SVEP1: variants seen among roughly 807,000 people sequenced by gnomAD.
SVEP1 encodes sushi, von Willebrand factor type A, EGF and pentraxin domain containing 1.
In SVEP1, 164 loss-of-function variants were observed where a neutral mutation model predicts 367.3. That is an observed-to-expected ratio of 0.45 (90% confidence interval 0.39 to 0.51). SVEP1 has a LOEUF of 0.51. Among genes scored for constraint, SVEP1 ranks in the 20% least tolerant of loss-of-function variants. The pLI is 0.00. For synonymous variants in SVEP1, 1,666 were observed against 1,611.6 expected, an observed-to-expected ratio of 1.03 and a Z score of -0.81; for missense variants, 4,117 against 4,425.3, an observed-to-expected ratio of 0.93 and a Z score of 1.98.
chr9:110,519,257 GAAT>G (rs1405413149), intron 3 of SVEP1, among the ~76,000 whole-genome samples: 4 of 152,162 alleles, frequency 2.6e-5, no homozygotes, highest in African/African-American at 9.7e-5. Flanking sequence ...GGAAATGTTA[GAAT>G]AATGTCTCCA....
At chr9:110,390,838 T>C (rs372999468) in intron 40 of SVEP1, among the ~76,000 whole-genome samples, 1 of 151,956 alleles carries the variant, frequency 6.6e-6, no homozygotes, top group Non-Finnish European at 1.5e-5. Flanking sequence ...TTCAAACATA[T>C]GAGAAATACC....
chr9:110,579,460 G>A lies in SVEP1; in HGVS notation c.84C>T (p.Arg28=), dbSNP rs1282412950. ...CGGGGAAGAGGCGGAAGCTGAAATTGCGCGACGGGGACATCTGCTGAAAGG... is the reference window on the plus strand; with the variant it reads ...CGGGGAAGAGGCGGAAGCTGAAATTACGCGACGGGGACATCTGCTGAAAGG... ...WATFQQMSPS[R]NFSFRLFPET... The change falls in exon 1 of 48, where the codon CGC becomes CGT. Residue 28 remains arginine (R), a synonymous_variant. Transcript: ENST00000374469. This position sits in a 1 kb window ranked among gnomAD's most constrained non-coding sequence, Gnocchi z 5.3. The A allele has an allele frequency of 3.7e-6, 6 of 1,601,752 alleles. No homozygotes were observed. In the East Asian group the frequency reaches 1.1e-4, roughly 30 times the overall value.
chr9:110,373,864 T>C (rs1415323343), intron 46 of SVEP1, among the ~76,000 whole-genome samples: 1 of 152,172 alleles, frequency 6.6e-6, no homozygotes, highest in Non-Finnish European at 1.5e-5. Context: ...AATGCTGTAT[T>C]TGAGGTCTGC....
At position 110,481,311 on chromosome 9, in the gene SVEP1, T is replaced by G. The variant is rs1829184176; in HGVS notation, c.2296A>C (p.Lys766Gln). The change falls in exon 12 of 48, where the codon AAG (lysine) becomes CAG (glutamine). Residue 766 changes from lysine (K) to glutamine (Q), a missense_variant. Coordinates refer to ENST00000374469, the MANE Select transcript of SVEP1 (RefSeq NM_153366.4). ...GYDFTEGSTD[K>Q]YYCAYEDGVW... is the part of the protein sequence containing the mutation. Reference sequence around the variant, plus strand: ...CCATCTTCATAAGCACAATAATACTTGTCAGTAGACCCTTCTGTGAAATCA... The same window carrying G: ...CCATCTTCATAAGCACAATAATACTGGTCAGTAGACCCTTCTGTGAAATCA... 1.9e-6 allele frequency: 3 copies of G among 1,611,454 alleles called. No homozygotes were observed. In the East Asian group the frequency reaches 6.7e-5, roughly 36 times the overall value.
chr9:110,372,791 A>G (rs916191747), intron 46 of SVEP1, among the ~76,000 whole-genome samples: 12 of 152,158 alleles, frequency 7.9e-5, no homozygotes, highest in Non-Finnish European at 1.8e-4. Flanking sequence ...ACAGTGTGTG[A>G]TGGTAGGATA....
At chr9:110,377,969 T>C (rs988396121) in intron 44 of SVEP1, among the ~76,000 whole-genome samples, 11 of 152,224 alleles carry the variant, frequency 7.2e-5, no homozygotes, top group African/African-American at 4.8e-5. Context: ...AGGCAGTATA[T>C]GTCATTCTGT....
At chr9:110,559,219 T>C (rs906054276) in intron 1 of SVEP1, among the ~76,000 whole-genome samples, 6 of 152,024 alleles carry the variant, frequency 3.9e-5, no homozygotes, top group African/African-American at 7.2e-5. Flanking sequence ...CACAGAACCA[T>C]AGAAAGTGTT....
At chr9:110,489,243 T>C (rs1200387343) in intron 9 of SVEP1, among the ~76,000 whole-genome samples, 1 of 152,214 alleles carries the variant, frequency 6.6e-6, no homozygotes, top group Non-Finnish European at 1.5e-5. Context: ...TCTGGATTGC[T>C]TTCATAAACC....
At chr9:110,398,473 A>G (rs192022747) in intron 40 of SVEP1, among the ~76,000 whole-genome samples, 58 of 152,350 alleles carry the variant, frequency 3.8e-4, no homozygotes, top group African/African-American at 1.3e-3. Context: ...AATGGCAACA[A>G]AAGCCAAAAT....
rs534184736 is a variant in SVEP1 at position 110,462,789 on chromosome 9, G to T, written c.3322+3076C>A. On this transcript the variant is annotated intron_variant, in intron 18 of 47. Transcript: ENST00000374469. ...ATATTAAAATCAAATGACAAACAGT[G>T]CATGGAAATGACCAGGAAAAAAATG... 3.3e-5 allele frequency among the ~76,000 whole-genome samples: 5 copies of T among 151,836 alleles called. No individual in the cohort carries two copies. The South Asian group carries it at 1.0e-3, about 32-fold the overall frequency.
chr9:110,490,807 C>T (rs566009839), intron 8 of SVEP1, among the ~76,000 whole-genome samples: 6 of 152,026 alleles, frequency 3.9e-5, no homozygotes, highest in African/African-American at 1.4e-4. Flanking sequence ...TTTTAATGAA[C>T]TGTTTTTTAA....
intron 17 of SVEP1, 72 bp downstream of exon 17, chr9:110,468,868 A>T: frequency 7.0e-7 from 1 of 1,433,328 alleles, no homozygotes; most frequent in South Asian, 1.5e-5. Flanking sequence ...TGAAGAAAAT[A>T]AATCTTTCTT....
chr9:110,427,782 C>CT, intron 35 of SVEP1, 24 bp from the exon 36 acceptor site: 1 of 1,594,908 alleles, frequency 6.3e-7, no homozygotes, highest in Non-Finnish European at 8.5e-7. Context: ...TGATGTTACT[C>CT]TTTCATTGGC....
Position 110,557,036 on chromosome 9 carries a change from TA to T in SVEP1, c.532-6933del, listed in dbSNP as rs200523989. ...TTGTAATACTTGACCCTTCAAATTC[TA>T]AAATTTCACCACGCCTTGTCTGTTA... On this transcript the variant is annotated intron_variant, in intron 1 of 47. Transcript: ENST00000374469. 1.1e-4 allele frequency among the ~76,000 whole-genome samples: 17 copies of T among 152,312 alleles called. No homozygotes were observed. In the East Asian group the frequency reaches 3.3e-3, roughly 29 times the overall value.
chr9:110,535,429 A>G (rs1830067101), intron 3 of SVEP1, among the ~76,000 whole-genome samples: 2 of 152,096 alleles, frequency 1.3e-5, no homozygotes, highest in African/African-American at 4.8e-5. Flanking sequence ...GGCCCATAGT[A>G]TAGTTTGAAG....
At chr9:110,553,787 T>A (rs1830320596) in intron 1 of SVEP1, among the ~76,000 whole-genome samples, 1 of 152,152 alleles carries the variant, frequency 6.6e-6, no homozygotes, top group African/African-American at 2.4e-5. Flanking sequence ...ACGCGCTTAA[T>A]AAATATTTGT....
chr9:110,405,968 T>C (rs950050726), intron 38 of SVEP1, among the ~76,000 whole-genome samples, 192 bp downstream of exon 38: 1 of 152,164 alleles, frequency 6.6e-6, no homozygotes, highest in Non-Finnish European at 1.5e-5. Flanking sequence ...GAAAAAAGTA[T>C]CGATTTATTT....
At chr9:110,552,343 C>T (rs1027991614) in intron 1 of SVEP1, among the ~76,000 whole-genome samples, 13 of 152,176 alleles carry the variant, frequency 8.5e-5, no homozygotes, top group East Asian at 3.9e-4. Context: ...TGAGCCACCA[C>T]GTCTGGCCAG....
intron 3 of SVEP1, among the ~76,000 whole-genome samples, chr9:110,538,924 G>C (rs1394021270): frequency 6.6e-6 from 1 of 152,000 alleles, no homozygotes; most frequent in Non-Finnish European, 1.5e-5. Context: ...TTTGTTGTTG[G>C]CAAAGGTTAA....
Sources: gnomAD v4.1 joint callset for allele counts (sites outside exome capture counted in the v4.1 genomes callset) on GRCh38, gnomAD v4.1.1 for gene constraint, Gnocchi (gnomAD v3.1) non-coding constraint, MANE v1.5 for transcripts, NCBI Gene and HGNC (gene_info 2026-07-23, HGNC 2026-07-21) for gene names.